Variants in TENM3 observed in about 807,000 individuals in gnomAD.
TENM3 encodes the protein teneurin transmembrane protein 3.
A neutral mutation model predicts 255.1 loss-of-function variants in TENM3; 63 were observed. That is an observed-to-expected ratio of 0.25 (90% CI 0.20 to 0.30). The LOEUF is 0.30. Ranked by LOEUF, TENM3 falls within the 10% of genes least tolerant of loss-of-function variation. The pLI, the probability that TENM3 is intolerant of heterozygous loss-of-function variation, is 1.00. For missense variants in TENM3, 2,929 were observed against 3,461.1 expected (o/e 0.85, Z 3.86); for synonymous variants, 1,306 against 1,322.3 (o/e 0.99, Z 0.27).
chr4:182,490,304 C>T (rs1012741394), intron 3 of TENM3, among the ~76,000 whole-genome samples: 4 of 152,072 alleles, frequency 2.6e-5, no homozygotes, highest in Non-Finnish European at 5.9e-5. Context: ...TTGTTTTTGT[C>T]ATGTTTAACT....
intron 1 of TENM3, among the ~76,000 whole-genome samples, chr4:182,294,659 G>A (rs62352263): frequency 3.2e-4 from 49 of 152,284 alleles, no homozygotes; most frequent in Non-Finnish European, 3.8e-4. Flanking sequence ...CCAGATTAAG[G>A]AAAGGAACTG....
chr4:181,544,408 T>TAAAA, the TENM3 span, among the ~76,000 whole-genome samples: 246 of 68,648 alleles, frequency 3.6e-3, 19 homozygotes, highest in East Asian at 0.02. Flanking sequence ...CCTTCAGGAT[T>TAAAA]AAAAAAAAAA....
chr4:181,936,288 G>A, the TENM3 span, among the ~76,000 whole-genome samples: 94 of 152,148 alleles, frequency 6.2e-4, no homozygotes, highest in African/African-American at 2.2e-3. Flanking sequence ...CCAGCTACTC[G>A]GGAGGCTGAG....
At chr4:182,229,110 C>T (rs572064080) in intron 1 of TENM3, among the ~76,000 whole-genome samples, 10 of 152,246 alleles carry the variant, frequency 6.6e-5, no homozygotes, top group Admixed American at 5.9e-4. Context: ...GAAAATATGC[C>T]GTTGAGAACA....
chr4:182,100,462 TATATAC>T, the TENM3 span, among the ~76,000 whole-genome samples: 3 of 94,228 alleles, frequency 3.2e-5, no homozygotes, highest in South Asian at 9.1e-4. Flanking sequence ...TATATATATA[TATATAC>T]ACACACACAC....
the TENM3 span, among the ~76,000 whole-genome samples, chr4:182,120,089 G>A: frequency 0.04 from 152 of 3,832 alleles, 1 homozygote; most frequent in Admixed American, 0.092. Context: ...ACATGCGTGC[G>A]TGCGCGCACA....
intron 6 of TENM3, among the ~76,000 whole-genome samples, chr4:182,656,745 T>C (rs745984869): frequency 1.3e-5 from 2 of 152,222 alleles, no homozygotes; most frequent in African/African-American, 2.4e-5. Flanking sequence ...ATTTTACTCT[T>C]ATTTTGTAAA....
chr4:181,835,350 G>C, the TENM3 span, among the ~76,000 whole-genome samples: 59 of 152,220 alleles, frequency 3.9e-4, 1 homozygote, highest in African/African-American at 1.3e-3. Flanking sequence ...TTCTCATTTT[G>C]AGCAGAATAC....
the TENM3 span, among the ~76,000 whole-genome samples, chr4:181,601,982 AG>A: frequency 0.14 from 22,028 of 152,086 alleles, 1,619 homozygotes; most frequent in East Asian, 0.2. Context: ...CTTTGGATGT[AG>A]GGTCCACCCT....
chr4:181,849,457 A>G, the TENM3 span, among the ~76,000 whole-genome samples: 1 of 152,220 alleles, frequency 6.6e-6, no homozygotes, highest in East Asian at 1.9e-4. Flanking sequence ...TATTGTTGTC[A>G]CAATAAGTTG....
chr4:181,582,404 A>G, the TENM3 span, among the ~76,000 whole-genome samples: 1 of 152,164 alleles, frequency 6.6e-6, no homozygotes, highest in Admixed American at 6.5e-5. Context: ...GTACCTTCCT[A>G]AAATGAACCA....
chr4:182,745,595 G>C (rs1261467098), intron 19 of TENM3, among the ~76,000 whole-genome samples: 3 of 152,148 alleles, frequency 2.0e-5, no homozygotes, highest in Non-Finnish European at 4.4e-5. Context: ...ACGTAGTAGA[G>C]GCTCCAGGAG....
chr4:182,418,247 T>A (rs564591897), intron 3 of TENM3, among the ~76,000 whole-genome samples: 1 of 152,328 alleles, frequency 6.6e-6, no homozygotes, highest in South Asian at 2.1e-4. Context: ...GCTAAGCAGT[T>A]TCTTTGAGGT....
the TENM3 span, among the ~76,000 whole-genome samples, chr4:182,044,897 C>T: frequency 6.6e-6 from 1 of 152,190 alleles, no homozygotes; most frequent in South Asian, 2.1e-4. Flanking sequence ...TGATATATCA[C>T]TATCTAGCGC....
chr4:181,959,719 A>G, the TENM3 span, among the ~76,000 whole-genome samples: 4 of 152,160 alleles, frequency 2.6e-5, no homozygotes, highest in African/African-American at 9.7e-5. Context: ...CAGATTTTAT[A>G]TTGTTGGTGA....
At chr4:182,150,332 G>C (rs1035139047) in intron 1 of TENM3, among the ~76,000 whole-genome samples, 1 of 151,964 alleles carries the variant, frequency 6.6e-6, no homozygotes, top group Non-Finnish European at 1.5e-5. Flanking sequence ...GTATGTAGCA[G>C]GGTGTGTGAC....
chr4:182,400,538 T>C (rs1769150515), intron 3 of TENM3, among the ~76,000 whole-genome samples: 1 of 152,222 alleles, frequency 6.6e-6, no homozygotes, highest in Non-Finnish European at 1.5e-5. Flanking sequence ...CATATTACAT[T>C]TAACATTAAA....
At chr4:182,761,478 C>T (rs1311028961) in intron 22 of TENM3, among the ~76,000 whole-genome samples, 2 of 151,986 alleles carry the variant, frequency 1.3e-5, no homozygotes, top group African/African-American at 2.4e-5. Context: ...AGAGGATATC[C>T]TTTCCTTTGA....
rs139618492 is a variant in TENM3 at position 182,586,108 on chromosome 4, T to C, written c.512-14816T>C. Among the ~76,000 whole-genome samples the C allele has an allele frequency of 2.7e-3, 412 of 152,162 alleles. 1 individual carries two copies. The highest frequency in any genetic ancestry group is 9.1e-3 in the African/African-American group (379 of 41,504). On this transcript the variant is annotated intron_variant, in intron 3 of 27. Transcript: ENST00000511685. ...CACCTCTACAAAGCATTTTAACAAA[T>C]TAGCTGAGGATGGTGCTGCATGCCT...
Sources: gnomAD v4.1 joint callset for allele counts (sites outside exome capture counted in the v4.1 genomes callset) on GRCh38, gnomAD v4.1.1 for gene constraint, MANE v1.5 for transcripts, NCBI Gene and HGNC (gene_info 2026-07-23, HGNC 2026-07-21) for gene names.